SORCS1: variants seen among roughly 807,000 people sequenced by gnomAD.
The protein encoded by SORCS1 is VPS10 domain-containing receptor SorCS1.
In SORCS1, 60 loss-of-function variants were observed where a neutral mutation model predicts 146.1. The observed-to-expected ratio is 0.41, with a 90% CI of 0.33 to 0.51. The LOEUF is 0.51. Ranked by LOEUF, SORCS1 falls within the 20% of genes least tolerant of loss-of-function variation. The pLI, the probability that SORCS1 is intolerant of heterozygous loss-of-function variation, is 0.21. For synonymous variants in SORCS1, 637 were observed against 584.0 expected (o/e 1.09, Z -1.31); for missense variants, 1,352 against 1,487.6 (o/e 0.91, Z 1.50).
At chr10:106,799,584 A>C (rs1224764034) in intron 3 of SORCS1, among the ~76,000 whole-genome samples, 2 of 152,246 alleles carry the variant, frequency 1.3e-5, no homozygotes, top group African/African-American at 4.8e-5. Flanking sequence ...ATGAACAGAC[A>C]ATTCTCAAAA....
chr10:106,579,028 T>TAG (rs1844733629), intron 25 of SORCS1: 2 of 1,591,204 alleles, frequency 1.3e-6, no homozygotes, highest in Non-Finnish European at 1.7e-6. Context: ...AGAAAGGGGT[T>TAG]AGAGAGAGAG....
At chr10:106,691,551 G>A (rs1305157918) in intron 9 of SORCS1, among the ~76,000 whole-genome samples, 1 of 152,098 alleles carries the variant, frequency 6.6e-6, no homozygotes, top group Admixed American at 6.5e-5. Context: ...CAAACCTTAA[G>A]CCTAACACAA....
chr10:106,753,450 G>A (rs1036021176), intron 5 of SORCS1, among the ~76,000 whole-genome samples: 1 of 152,108 alleles, frequency 6.6e-6, no homozygotes, highest in Non-Finnish European at 1.5e-5. Flanking sequence ...AATAATAAGA[G>A]GGATAAAAAC....
At chr10:106,782,803 C>T (rs567509268) in intron 3 of SORCS1, among the ~76,000 whole-genome samples, 3 of 152,200 alleles carry the variant, frequency 2.0e-5, no homozygotes, top group African/African-American at 7.2e-5. Context: ...AATATATGTC[C>T]ACGTATATAT....
Position 106,640,889 on chromosome 10 carries a change from T to C in SORCS1, c.2475+11493A>G, listed in dbSNP as rs138134144. ...ATGTCCGGCATCTTAGACTCAACTT[T>C]ATGGACTTCTCTACTCCTCTTCCAG... On this transcript the variant is annotated intron_variant, in intron 18 of 25. Transcript: ENST00000263054. Among the ~76,000 whole-genome samples the C allele has an allele frequency of 2.1e-3, 318 of 152,354 alleles. 7 individuals are homozygous for C. In the East Asian group the frequency reaches 0.053, roughly 26 times the overall value.
chr10:107,029,821 G>T (rs1489196550), intron 1 of SORCS1, among the ~76,000 whole-genome samples: 1 of 152,136 alleles, frequency 6.6e-6, no homozygotes, highest in African/African-American at 2.4e-5. Flanking sequence ...TTGGCAGCCA[G>T]GCCCTTTATC....
intron 2 of SORCS1, among the ~76,000 whole-genome samples, chr10:106,861,327 G>T (rs1950007204): frequency 6.6e-6 from 1 of 150,902 alleles, no homozygotes; most frequent in African/African-American, 2.4e-5. Context: ...TTGAACCCAG[G>T]AGGCAGAAGT....
At chr10:107,037,814 C>G (rs113092298) in intron 1 of SORCS1, among the ~76,000 whole-genome samples, 260 of 152,138 alleles carry the variant, frequency 1.7e-3, no homozygotes, top group African/African-American at 6.2e-3. Context: ...TTTGAGGTCA[C>G]TTTATTGATT....
chr10:107,046,915 A>G (rs1469153481), intron 1 of SORCS1, among the ~76,000 whole-genome samples: 3 of 152,212 alleles, frequency 2.0e-5, no homozygotes, highest in African/African-American at 7.2e-5. Flanking sequence ...TGGTGGCTAC[A>G]TATTTGGATT....
At chr10:106,686,480 T>C (rs1852850820) in intron 10 of SORCS1, among the ~76,000 whole-genome samples, 1 of 152,214 alleles carries the variant, frequency 6.6e-6, no homozygotes, top group Non-Finnish European at 1.5e-5. Flanking sequence ...GGAACTGGCA[T>C]ATCCCATGCA....
At chr10:107,025,547 A>T (rs1281753408) in intron 1 of SORCS1, among the ~76,000 whole-genome samples, 1 of 152,252 alleles carries the variant, frequency 6.6e-6, no homozygotes, top group Non-Finnish European at 1.5e-5. Flanking sequence ...GTATTTGCAT[A>T]TAGAGAAGAT....
At chr10:106,791,553 G>T (rs532597473) in intron 3 of SORCS1, among the ~76,000 whole-genome samples, 68 of 152,200 alleles carry the variant, frequency 4.5e-4, no homozygotes, top group African/African-American at 1.6e-3. Context: ...TACAAAATTA[G>T]TTGGGCGTGG....
At chr10:107,146,177 G>C (rs754060816) in intron 1 of SORCS1, among the ~76,000 whole-genome samples, 3 of 152,162 alleles carry the variant, frequency 2.0e-5, no homozygotes, top group Non-Finnish European at 4.4e-5. Flanking sequence ...ATACATGTGT[G>C]TCTGTATAAA....
At chr10:106,899,971 TA>T (rs1243087360) in intron 2 of SORCS1, among the ~76,000 whole-genome samples, 2 of 152,092 alleles carry the variant, frequency 1.3e-5, no homozygotes, top group African/African-American at 4.8e-5. Context: ...CACACACACA[TA>T]TTTTTTTCCT....
chr10:106,616,634 C>A (rs1459551309), intron 21 of SORCS1, among the ~76,000 whole-genome samples: 1 of 152,110 alleles, frequency 6.6e-6, no homozygotes, highest in Non-Finnish European at 1.5e-5. Context: ...AAAATCACAG[C>A]CCTGGTTTAT....
intron 2 of SORCS1, among the ~76,000 whole-genome samples, chr10:106,833,694 C>T (rs916575574): frequency 6.6e-6 from 1 of 152,138 alleles, no homozygotes; most frequent in East Asian, 1.9e-4. Context: ...GCTGATCTGT[C>T]GATGCCTTTG....
At chr10:106,820,058 G>C in intron 3 of SORCS1, among the ~76,000 whole-genome samples, 1 of 152,012 alleles carries the variant, frequency 6.6e-6, no homozygotes, top group East Asian at 1.9e-4. Context: ...TCTTATCTGT[G>C]AGAGGCTGTG....
At chr10:106,647,341 T>TA (rs1304088364) in intron 18 of SORCS1, among the ~76,000 whole-genome samples, 3 of 151,716 alleles carry the variant, frequency 2.0e-5, no homozygotes, top group Non-Finnish European at 4.4e-5. Context: ...AATAAGTTTT[T>TA]AGATTTGAGT....
intron 1 of SORCS1, among the ~76,000 whole-genome samples, chr10:107,084,235 A>G (rs1223788583): frequency 6.7e-6 from 1 of 149,024 alleles, no homozygotes; most frequent in African/African-American, 2.5e-5. Flanking sequence ...ATCTGGGACT[A>G]TAGGTGCCCA....
Sources: allele counts gnomAD v4.1 joint callset (sites outside exome capture counted in the v4.1 genomes callset), GRCh38; gene constraint gnomAD v4.1.1; transcripts MANE v1.5; gene names NCBI Gene and HGNC (gene_info 2026-07-23, HGNC 2026-07-21).